The following MAP3K5 variants were observed in gnomAD, a reference collection of about 807,000 sequenced individuals.
The protein encoded by MAP3K5 is ASK-1.
In MAP3K5, 56 loss-of-function variants were observed where a neutral mutation model predicts 158.7. The observed-to-expected ratio is 0.35, with a 90% CI of 0.28 to 0.44. The LOEUF is 0.44. MAP3K5 is among the 20% of genes least tolerant of loss of function. The probability of loss-of-function intolerance (pLI) is 1.00; values close to 1 mark genes in which losing one functional copy is unlikely to be tolerated. For missense variants in MAP3K5, 1,294 were observed against 1,674.8 expected (o/e 0.77, Z 3.97); for synonymous variants, 579 against 601.7 (o/e 0.96, Z 0.55).
chr6:136,627,462 A>G (rs1445182206), intron 14 of MAP3K5, among the ~76,000 whole-genome samples: 2 of 152,186 alleles, frequency 1.3e-5, no homozygotes, highest in African/African-American at 4.8e-5. Context: ...ACTCCTTAGC[A>G]CAGCATAAAT....
chr6:136,670,391 T>C (rs1779431434), intron 7 of MAP3K5, among the ~76,000 whole-genome samples: 2 of 152,040 alleles, frequency 1.3e-5, no homozygotes, highest in South Asian at 4.1e-4. Flanking sequence ...CTGAGGCCAA[T>C]GCATGAAAAA....
intron 24 of MAP3K5, among the ~76,000 whole-genome samples, chr6:136,581,849 G>A (rs1180173961): frequency 2.0e-5 from 3 of 152,164 alleles, no homozygotes; most frequent in Non-Finnish European, 2.9e-5. Flanking sequence ...TTGGGAGTCC[G>A]ATGCGGGCGG....
At chr6:136,658,260 A>C (rs191296813) in intron 9 of MAP3K5, among the ~76,000 whole-genome samples, 12 of 149,562 alleles carry the variant, frequency 8.0e-5, no homozygotes, top group Admixed American at 8.0e-4. Context: ...TAATCGCTAC[A>C]TGTGATGCTA....
intron 23 of MAP3K5, among the ~76,000 whole-genome samples, chr6:136,585,119 G>GTTT (rs1476625024): frequency 2.5e-5 from 3 of 120,030 alleles, no homozygotes; most frequent in Non-Finnish European, 5.6e-5. Flanking sequence ...TTTTTTTTTT[G>GTTT]TTTTTTTTTA....
chr6:136,737,548 G>A (rs1402926077), intron 1 of MAP3K5, among the ~76,000 whole-genome samples: 1 of 152,202 alleles, frequency 6.6e-6, no homozygotes, highest in Non-Finnish European at 1.5e-5. Context: ...CACATACTAA[G>A]TCCCTCCAAG....
At chr6:136,573,907 T>G (rs1374774620) in intron 25 of MAP3K5, among the ~76,000 whole-genome samples, 1 of 151,422 alleles carries the variant, frequency 6.6e-6, no homozygotes, top group Non-Finnish European at 1.5e-5. Flanking sequence ...GGAAAATAAC[T>G]AGACCAAGTT....
intron 11 of MAP3K5, among the ~76,000 whole-genome samples, chr6:136,643,729 C>T (rs1355786635): frequency 1.3e-5 from 2 of 152,108 alleles, no homozygotes; most frequent in Non-Finnish European, 2.9e-5. Context: ...TCTGAATGAA[C>T]GCAGAGCAAA....
chr6:136,626,700 C>T (rs939690082), intron 14 of MAP3K5, among the ~76,000 whole-genome samples: 5 of 152,042 alleles, frequency 3.3e-5, no homozygotes, highest in Admixed American at 1.3e-4. Flanking sequence ...GCCGATGTGC[C>T]CTCTCAAAGG....
intron 29 of MAP3K5, 31 bp from the exon 30 acceptor site, chr6:136,557,849 G>A (rs1178962744): frequency 2.3e-5 from 33 of 1,460,416 alleles, no homozygotes; most frequent in Non-Finnish European, 3.2e-5. Flanking sequence ...ATGGTGAAAC[G>A]AACATTTCAT....
At chr6:136,597,177 AG>A (rs1181524931) in intron 21 of MAP3K5, among the ~76,000 whole-genome samples, 2 of 152,166 alleles carry the variant, frequency 1.3e-5, no homozygotes, top group Non-Finnish European at 2.9e-5. Flanking sequence ...GCTGATGGGA[AG>A]GGGTGTGAGC....
chr6:136,694,895 A>G (rs980119794), intron 6 of MAP3K5, among the ~76,000 whole-genome samples: 1 of 152,210 alleles, frequency 6.6e-6, no homozygotes, highest in Non-Finnish European at 1.5e-5. Flanking sequence ...AAGAGTTATC[A>G]TTCCTTAGAC....
At chr6:136,581,056 A>T (rs1244051604) in intron 24 of MAP3K5, among the ~76,000 whole-genome samples, 1 of 152,184 alleles carries the variant, frequency 6.6e-6, no homozygotes, top group Non-Finnish European at 1.5e-5. Context: ...ACCGCCATCC[A>T]TCCACAGAAC....
At position 136,567,730 on chromosome 6, in the gene MAP3K5, G is replaced by T; in HGVS notation, c.3662C>A (p.Ser1221Ter). 1 of 1,614,106 alleles carries T rather than the reference G, an allele frequency of 6.2e-7. No homozygotes were observed. The highest frequency in any genetic ancestry group is 8.5e-7 in the Non-Finnish European group (1 of 1,180,018). The change falls in exon 26 of 30, where the codon TCA becomes TAA. Residue 1221 changes from serine (S) to a stop codon, truncating the protein, a stop_gained. Coordinates refer to ENST00000359015, the MANE Select transcript of MAP3K5 (RefSeq NM_005923.4). LOFTEE classifies it high-confidence loss of function. Reference sequence around the variant, plus strand: ...AGTAGAACTGAGCGTGCTCACGCCTGAGGTAGCCACAGCATCTTCAATGAC... The same window carrying T: ...AGTAGAACTGAGCGTGCTCACGCCTTAGGTAGCCACAGCATCTTCAATGAC... ...QAVIEDAVAT[S>*]GVSTLSSTVS...
intron 3 of MAP3K5, among the ~76,000 whole-genome samples, chr6:136,701,791 C>G (rs1300626052): frequency 6.6e-6 from 1 of 152,158 alleles, no homozygotes; most frequent in Non-Finnish European, 1.5e-5. Flanking sequence ...AAAATGAGAA[C>G]AAAGAGCCAA....
Position 136,700,100 on chromosome 6 carries a change from G to A in MAP3K5, c.613-1418C>T, listed in dbSNP as rs1406345888. Among the ~76,000 whole-genome samples, 91 of 152,090 alleles carry A rather than the reference G, an allele frequency of 6.0e-4. 1 individual carries two copies. The highest frequency in any genetic ancestry group is 1.2e-4 in the Non-Finnish European group (8 of 67,986). ...AGAACGAAAGAATGAACAAATGAAA[G>A]AAGGAGAAAGAGAGAGAGAAAGAAG... On this transcript the variant is annotated intron_variant, in intron 3 of 29. Transcript: ENST00000359015.
At chr6:136,611,462 AT>A in intron 17 of MAP3K5, 75 bp from the exon 18 acceptor site, 2 of 770,654 alleles carry the variant, frequency 2.6e-6, no homozygotes, top group South Asian at 1.8e-5. Context: ...GGTAAGTCCA[AT>A]TTAAAAAAAA....
intron 2 of MAP3K5, 35 bp downstream of exon 2, chr6:136,720,415 G>A (rs753046687): frequency 6.5e-7 from 1 of 1,531,460 alleles, no homozygotes; most frequent in Non-Finnish European, 8.8e-7. Context: ...AAATGCTGAT[G>A]TTAAAATGAA....
At chr6:136,558,638 T>C (rs1417789728) in intron 29 of MAP3K5, among the ~76,000 whole-genome samples, 162 bp downstream of exon 29, 3 of 152,306 alleles carry the variant, frequency 2.0e-5, no homozygotes, top group Non-Finnish European at 4.4e-5. Context: ...CCCTCAAAAA[T>C]ATCATTGTCC....
chr6:136,637,501 G>C, intron 13 of MAP3K5, 95 bp from the exon 14 acceptor site: 2 of 769,872 alleles, frequency 2.6e-6, no homozygotes, highest in South Asian at 2.8e-5. Context: ...AAAACTGAGA[G>C]CTAAGAGAGT....
Sources: allele counts gnomAD v4.1 joint callset (sites outside exome capture counted in the v4.1 genomes callset), GRCh38; gene constraint gnomAD v4.1.1; transcripts MANE v1.5; gene names NCBI Gene and HGNC (gene_info 2026-07-23, HGNC 2026-07-21).